Variants in PDZRN4 observed in about 807,000 individuals in gnomAD.
The protein encoded by PDZRN4 is PDZ domain-containing RING finger protein 4.
PDZRN4 carries 70 observed loss-of-function variants against 99.0 expected under a neutral mutation model. The observed-to-expected ratio is 0.71, with a 90% CI of 0.58 to 0.86. The LOEUF is 0.86. Among genes scored for constraint, PDZRN4 ranks in the 40% least tolerant of loss-of-function variants. PDZRN4 has a pLI of 0.00. For missense variants in PDZRN4, 1,474 were observed against 1,331.2 expected, an observed-to-expected ratio of 1.11 and a Z score of -1.67; for synonymous variants, 551 against 501.6, an observed-to-expected ratio of 1.10 and a Z score of -1.32.
chr12:41,502,506 T>C (rs1026310196), intron 3 of PDZRN4, among the ~76,000 whole-genome samples: 3 of 152,122 alleles, frequency 2.0e-5, no homozygotes, highest in Admixed American at 1.3e-4. Flanking sequence ...CAAGTTACCT[T>C]GCACCCTCTT....
chr12:41,360,250 T>G (rs1209066111), intron 3 of PDZRN4, among the ~76,000 whole-genome samples: 1 of 152,044 alleles, frequency 6.6e-6, no homozygotes, highest in African/African-American at 2.4e-5. Flanking sequence ...CTAAGAACTA[T>G]TTATAGGATT....
chr12:41,472,290 A>G (rs910615603), intron 3 of PDZRN4, among the ~76,000 whole-genome samples: 2 of 152,222 alleles, frequency 1.3e-5, no homozygotes, highest in African/African-American at 4.8e-5. Context: ...GGCATGAGCC[A>G]CGGCGCCTGG....
chr12:41,461,329 A>G (rs994171681), intron 3 of PDZRN4, among the ~76,000 whole-genome samples: 2 of 152,040 alleles, frequency 1.3e-5, no homozygotes, highest in African/African-American at 4.8e-5. Context: ...TAAGCCTAGT[A>G]CCCATTAGTT....
rs1352048808 is a variant in PDZRN4, at chr12:41,188,995, G to C, written c.540G>C (p.Ala180=). 6.5e-7 allele frequency: 1 copy of C among 1,537,332 alleles called. No individual in the cohort carries two copies. Among genetic ancestry groups the C allele is most frequent in the Non-Finnish European group, 8.7e-7 (1 of 1,148,764 alleles). Residue 180 remains alanine (A), a synonymous_variant, in exon 1 of 10, where the codon GCG becomes GCC. Coordinates refer to ENST00000402685, the MANE Select transcript of PDZRN4 (RefSeq NM_001164595.2). ...REKALLAQLW[A]LQGEVQLTAR... is the part of the protein sequence containing the mutation. Reference sequence around the variant, plus strand: ...AGGCGCTGCTGGCGCAGCTCTGGGCGCTGCAGGGCGAGGTGCAGCTCACGG... The same window carrying C: ...AGGCGCTGCTGGCGCAGCTCTGGGCCCTGCAGGGCGAGGTGCAGCTCACGG...
At chr12:41,530,072 C>G (rs1938635542) in intron 5 of PDZRN4, among the ~76,000 whole-genome samples, 1 of 152,298 alleles carries the variant, frequency 6.6e-6, no homozygotes, top group South Asian at 2.1e-4. Flanking sequence ...ATCTATTATA[C>G]TTTTAGAACA....
At chr12:41,406,864 A>C (rs1256321362) in intron 3 of PDZRN4, among the ~76,000 whole-genome samples, 1 of 151,480 alleles carries the variant, frequency 6.6e-6, no homozygotes, top group Non-Finnish European at 1.5e-5. Flanking sequence ...GTCTCAAAAA[A>C]AAAAAAAAAA....
chr12:41,351,375 G>T (rs1415743870), intron 3 of PDZRN4, among the ~76,000 whole-genome samples: 1 of 152,088 alleles, frequency 6.6e-6, no homozygotes, highest in Non-Finnish European at 1.5e-5. Context: ...ATAAATAGAT[G>T]AAAAGGTAAG....
intron 3 of PDZRN4, among the ~76,000 whole-genome samples, chr12:41,280,726 G>A (rs563221280): frequency 6.6e-6 from 1 of 152,272 alleles, no homozygotes; most frequent in South Asian, 2.1e-4. Flanking sequence ...GGGGCTTATA[G>A]ATAAAACTCC....
intron 3 of PDZRN4, among the ~76,000 whole-genome samples, chr12:41,198,886 A>T (rs564981399): frequency 6.6e-6 from 1 of 152,208 alleles, no homozygotes; most frequent in South Asian, 2.1e-4. Flanking sequence ...CTATCGCCAG[A>T]CTACCAACTA....
chr12:41,206,889 T>A (rs1038505358), intron 3 of PDZRN4, among the ~76,000 whole-genome samples: 8 of 151,982 alleles, frequency 5.3e-5, no homozygotes, highest in African/African-American at 1.9e-4. Flanking sequence ...CATCTTGGCA[T>A]GCTCAATTTT....
chr12:41,446,760 T>C (rs1952732093), intron 3 of PDZRN4, among the ~76,000 whole-genome samples: 1 of 151,842 alleles, frequency 6.6e-6, no homozygotes, highest in Non-Finnish European at 1.5e-5. Context: ...AAAAGATAGT[T>C]CTCTATGAGC....
At chr12:41,408,008 T>C (rs1208780126) in intron 3 of PDZRN4, among the ~76,000 whole-genome samples, 7 of 152,234 alleles carry the variant, frequency 4.6e-5, no homozygotes, top group Admixed American at 6.5e-5. Flanking sequence ...TGACTTAACA[T>C]ACAATTAGTT....
chr12:41,309,516 C>T (rs1399617536), intron 3 of PDZRN4, among the ~76,000 whole-genome samples: 3 of 152,144 alleles, frequency 2.0e-5, no homozygotes, highest in Non-Finnish European at 4.4e-5. Context: ...TAGGCCCCAC[C>T]TCCCAACATT....
rs1356219836 is a variant in PDZRN4 at position 41,332,865 on chromosome 12, A to G, written c.843+138677A>G. 4.6e-5 allele frequency among the ~76,000 whole-genome samples: 7 copies of G among 152,094 alleles called. No homozygotes were observed. In the South Asian group the frequency reaches 8.3e-4, roughly 18 times the overall value. ...GTGGAACTGCAATGACAATAACAAC[A>G]AAATAGCTATTGCAAGTTCAGTGGG... On this transcript the variant is annotated intron_variant, in intron 3 of 9. Transcript: ENST00000402685.
At chr12:41,363,735 A>G (rs1592028790) in intron 3 of PDZRN4, among the ~76,000 whole-genome samples, 2 of 98,172 alleles carry the variant, frequency 2.0e-5, no homozygotes, top group South Asian at 3.4e-4. Context: ...GCATTTGCTC[A>G]GGATGCATTT....
chr12:41,479,354 T>G (rs1937638801), intron 3 of PDZRN4, among the ~76,000 whole-genome samples: 2 of 152,238 alleles, frequency 1.3e-5, no homozygotes, highest in East Asian at 1.9e-4. Flanking sequence ...ATGATAGTAT[T>G]ATGATACTAT....
At chr12:41,353,518 T>A (rs1951905665) in intron 3 of PDZRN4, among the ~76,000 whole-genome samples, 1 of 152,060 alleles carries the variant, frequency 6.6e-6, no homozygotes, top group South Asian at 2.1e-4. Flanking sequence ...GAACTTGGAA[T>A]CACAACCTAG....
rs1939079354 is a variant in PDZRN4 at position 41,552,694 on chromosome 12, G to T, written c.1242G>T (p.Leu414=). The change falls in exon 6 of 10, where the codon CTG becomes CTT. Residue 414 remains leucine (L), a synonymous_variant. Coordinates refer to ENST00000402685, the MANE Select transcript of PDZRN4 (RefSeq NM_001164595.2). ...ELCRVSSQEK[L]GLTVCYRTDD... The stretch of plus-strand genomic sequence containing the variant: ...GTCGTGTTAGCAGTCAAGAGAAGCT[G>T]GGCCTGACAGTCTGTTACCGAACAG... The T allele has an allele frequency of 8.1e-6, 13 of 1,613,780 alleles. No individual in the cohort carries two copies. The highest frequency in any genetic ancestry group is 1.1e-5 in the Non-Finnish European group (13 of 1,179,790).
intron 5 of PDZRN4, among the ~76,000 whole-genome samples, chr12:41,526,066 G>T (rs1378453656): frequency 3.3e-5 from 5 of 152,090 alleles, no homozygotes; most frequent in African/African-American, 7.2e-5. Flanking sequence ...ACAACACCTG[G>T]TGTACTTGGC....
Sources: allele counts gnomAD v4.1 joint callset (sites outside exome capture counted in the v4.1 genomes callset), GRCh38; gene constraint gnomAD v4.1.1; transcripts MANE v1.5; gene names NCBI Gene and HGNC (gene_info 2026-07-23, HGNC 2026-07-21).